The following BSN variants were observed in gnomAD, a reference collection of about 807,000 sequenced individuals.
BSN encodes protein bassoon.
BSN carries 57 observed loss-of-function variants against 264.8 expected under a neutral mutation model. The ratio of observed to expected loss-of-function variants is 0.22; its 90% CI spans 0.17 to 0.27. The LOEUF is 0.27. Among genes scored for constraint, BSN ranks in the 10% least tolerant of loss-of-function variants. The pLI is 1.00. For synonymous variants in BSN, 2,059 were observed against 2,137.3 expected (o/e 0.96, Z 1.01); for missense variants, 4,615 against 5,232.5 (o/e 0.88, Z 3.64).
intron 1 of BSN, among the ~76,000 whole-genome samples, chr3:49,605,980 T>C (rs1281445631): frequency 1.1e-5 from 1 of 90,324 alleles, no homozygotes; most frequent in Non-Finnish European, 1.9e-5. Flanking sequence ...TATGTATTTA[T>C]ATAAATAAAA....
At chr3:49,658,253 GCCCCC>G in intron 5 of BSN, 57 bp downstream of exon 5, 1 of 1,475,238 alleles carries the variant, frequency 6.8e-7, no homozygotes, top group Non-Finnish European at 8.9e-7. Flanking sequence ...AGCCCGAGGG[GCCCCC>G]ACAGGGAGGG....
chr3:49,599,963 T>G (rs1342462155), intron 1 of BSN, among the ~76,000 whole-genome samples: 1 of 152,040 alleles, frequency 6.6e-6, no homozygotes, highest in Non-Finnish European at 1.5e-5. Context: ...AGTGAGGGAG[T>G]CCTGCTGTGT....
In BSN at chr3:49,578,153, G is replaced by A. The variant is rs372699085; in HGVS notation, c.224+23327G>A. On this transcript the variant is annotated intron_variant, in intron 1 of 11. Transcript: ENST00000296452. Reference sequence around the variant, plus strand: ...AGAAACGAATATTGCATATTTGGGGGCTGTAGGCTCGGCTATCCTTTTCTT... The same window carrying A: ...AGAAACGAATATTGCATATTTGGGGACTGTAGGCTCGGCTATCCTTTTCTT... 1.1e-4 allele frequency among the ~76,000 whole-genome samples: 17 copies of A among 152,216 alleles called. No homozygotes were observed. In the East Asian group the frequency reaches 2.3e-3, roughly 21 times the overall value.
chr3:49,560,962 G>T (rs2051707372), intron 1 of BSN, among the ~76,000 whole-genome samples: 1 of 152,234 alleles, frequency 6.6e-6, no homozygotes, highest in Non-Finnish European at 1.5e-5. Context: ...TCTGTGTTGT[G>T]CCTTGGGCTC....
intron 3 of BSN, among the ~76,000 whole-genome samples, chr3:49,646,881 A>T (rs2052506428): frequency 6.6e-6 from 1 of 152,214 alleles, no homozygotes; most frequent in Non-Finnish European, 1.5e-5. Flanking sequence ...AGGCCCAGAA[A>T]GAAGGAGCTT....
chr3:49,672,096 A>G (rs977843655), downstream of BSN, among the ~76,000 whole-genome samples: 2 of 141,168 alleles, frequency 1.4e-5, no homozygotes, highest in African/African-American at 5.2e-5. Context: ...CCCTCTCCCC[A>G]GAATTAACAT....
chr3:49,578,036 T>A (rs1047617475), intron 1 of BSN, among the ~76,000 whole-genome samples: 1 of 152,238 alleles, frequency 6.6e-6, no homozygotes, highest in Non-Finnish European at 1.5e-5. Context: ...GTTTCACACC[T>A]AAGTTTTCTT....
At chr3:49,557,710 T>C (rs990841203) in intron 1 of BSN, among the ~76,000 whole-genome samples, 3 of 151,902 alleles carry the variant, frequency 2.0e-5, no homozygotes, top group Non-Finnish European at 4.4e-5. Context: ...CCCGAGTAGC[T>C]GGGACTGCAG....
At chr3:49,592,053 TGA>T (rs537439831) in intron 1 of BSN, among the ~76,000 whole-genome samples, 88 of 152,290 alleles carry the variant, frequency 5.8e-4, no homozygotes, top group African/African-American at 2.0e-3. Flanking sequence ...TAGGATAATT[TGA>T]GAGAGACAGT....
At position 49,652,145 on chromosome 3, in the gene BSN, C is replaced by T. The variant is rs769509725; in HGVS notation, c.2589C>T (p.Ala863=). The T allele has an allele frequency of 2.5e-6, 4 of 1,614,022 alleles. No individual in the cohort carries two copies. Among genetic ancestry groups the T allele is most frequent in the South Asian group, 1.1e-5 (1 of 91,064 alleles). ...ACAACCTGGAGGAGGATGACACTGC[C>T]ACCTCCGGGCGTGGCCTGGCCAAAC... The part of the protein sequence containing the change: ...EEDNLEEDDT[A]TSGRGLAKHG... Residue 863 remains alanine (A), a synonymous_variant, in exon 5 of 12, where the codon GCC becomes GCT. Coordinates refer to ENST00000296452, the MANE Select transcript of BSN (RefSeq NM_003458.4).
In BSN at chr3:49,655,429, AG is replaced by A; in HGVS notation, c.5878del (p.Val1960TrpfsTer60). ...EPPEPPTYRA[Q>X]GVVGPGPHEE... The stretch of plus-strand genomic sequence containing the variant: ...CCTGAGCCCCCAACCTACCGGGCAC[AG>A]GGGGTGGTGGGGCCTGGGCCCCATG... On this transcript the variant is annotated frameshift_variant, in exon 5 of 12. Transcript: ENST00000296452. LOFTEE classifies it high-confidence loss of function. The A allele has an allele frequency of 1.3e-6, 2 of 1,570,174 alleles. No individual in the cohort carries two copies.
chr3:49,650,676 C>T lies in BSN; in HGVS notation c.1583C>T (p.Pro528Leu), dbSNP rs199867922. The change falls in exon 4 of 12, where the codon CCG becomes CTG. Residue 528 changes from proline to leucine, a missense_variant. Physicochemically the swap from Pro to Leu is moderately conservative, Grantham distance 98 (BLOSUM62 -3). Transcript: ENST00000296452. ...KRLLEGSLGE[P>L]TPLPPPTSQQ... Reference sequence around the variant, plus strand: ...CTACTGGAGGGCAGCCTAGGAGAGCCGACCCCCCTGCCGCCGCCCACCTCA... The same window carrying T: ...CTACTGGAGGGCAGCCTAGGAGAGCTGACCCCCCTGCCGCCGCCCACCTCA... 13 of 1,610,108 alleles carry T rather than the reference C, an allele frequency of 8.1e-6. No homozygotes were observed. In the South Asian group the frequency reaches 1.1e-4, roughly 14 times the overall value.
chr3:49,595,155 C>A (rs1195934603), intron 1 of BSN, among the ~76,000 whole-genome samples: 1 of 151,076 alleles, frequency 6.6e-6, no homozygotes, highest in Admixed American at 6.6e-5. Context: ...TCCCAAAGTG[C>A]TGGGATTACA....
chr3:49,655,679 A>G lies in BSN; in HGVS notation c.6123A>G (p.Ser2041=), dbSNP rs2052592551. 6.2e-7 allele frequency: 1 copy of G among 1,613,456 alleles called. No individual in the cohort carries two copies. The highest frequency in any genetic ancestry group is 8.5e-7 in the Non-Finnish European group (1 of 1,180,034). Residue 2041 remains serine (S), a synonymous_variant, in exon 5 of 12, where the codon TCA becomes TCG. Coordinates refer to ENST00000296452, the MANE Select transcript of BSN (RefSeq NM_003458.4). ...RYLGQGLQYG[S]VTDLRHPTDL... is the part of the protein sequence containing the mutation. ...TAGGGCAGGGCTTGCAGTATGGCTC[A>G]GTCACGGACCTGCGTCATCCTACAG...
intron 1 of BSN, among the ~76,000 whole-genome samples, chr3:49,580,978 C>CTT (rs71080537): frequency 6.5e-4 from 93 of 143,888 alleles, no homozygotes; most frequent in Non-Finnish European, 6.1e-4. Context: ...CGCCTGTTAA[C>CTT]TTTTTTTTTT....
intron 1 of BSN, among the ~76,000 whole-genome samples, chr3:49,592,301 G>A (rs2051984140): frequency 2.0e-5 from 3 of 150,982 alleles, no homozygotes; most frequent in Admixed American, 2.0e-4. Flanking sequence ...GTAGACACGG[G>A]GTTTCGCCAT....
In BSN at chr3:49,642,911, C is replaced by T; in HGVS notation, c.1277C>T (p.Pro426Leu). ...GCTAGAATGGGTCCTGGATCTGGAC[C>T]TGGAGCCCTGCCGAAAACTGGGGGA... Reference protein sequence around the residue: ...PGARMGPGSGPGALPKTGGTT... With the variant: ...PGARMGPGSGLGALPKTGGTT... Residue 426 changes from proline (P) to leucine (L), a missense_variant, in exon 3 of 12, where the codon CCT becomes CTT. Pro to Leu is a moderately conservative substitution (Grantham distance 98). Transcript: ENST00000296452. This position sits in a 1 kb window ranked among gnomAD's most constrained non-coding sequence, Gnocchi z 7.0. The T allele has an allele frequency of 1.9e-6, 3 of 1,614,008 alleles. No homozygotes were observed. In the East Asian group the frequency reaches 6.7e-5, roughly 36 times the overall value.
At chr3:49,581,945 A>G (rs2051898385) in intron 1 of BSN, among the ~76,000 whole-genome samples, 1 of 152,210 alleles carries the variant, frequency 6.6e-6, no homozygotes, top group Non-Finnish European at 1.5e-5. Context: ...ATAATGGTGT[A>G]ATAAACATTG....
intron 1 of BSN, among the ~76,000 whole-genome samples, chr3:49,562,067 C>T (rs2051715380): frequency 6.6e-6 from 1 of 152,174 alleles, no homozygotes; most frequent in Non-Finnish European, 1.5e-5. Context: ...CTCAGCCTCC[C>T]AAAGTGCTGA....
Sources: allele counts gnomAD v4.1 joint callset (sites outside exome capture counted in the v4.1 genomes callset), GRCh38; gene constraint gnomAD v4.1.1; non-coding constraint Gnocchi (gnomAD v3.1); transcripts MANE v1.5; gene names NCBI Gene and HGNC (gene_info 2026-07-23, HGNC 2026-07-21).